The following PDE4D variants were observed in gnomAD, a reference collection of about 807,000 sequenced individuals.
The protein encoded by PDE4D is 3',5'-cyclic-AMP phosphodiesterase 4D.
Under a neutral mutation model 87.4 loss-of-function variants are expected in PDE4D, and 24 were observed. The ratio of observed to expected loss-of-function variants is 0.27; its 90% confidence interval spans 0.20 to 0.39. The LOEUF (loss-of-function observed/expected upper bound fraction) is 0.39. Among genes scored for constraint, PDE4D ranks in the 10% least tolerant of loss-of-function variants. The pLI is 1.00. For missense variants in PDE4D, 714 were observed against 1,041.0 expected (o/e 0.69, Z 4.32); for synonymous variants, 384 against 383.2 (o/e 1.00, Z -0.02).
chr5:59,133,923 A>C (rs1203301517), intron 5 of PDE4D, among the ~76,000 whole-genome samples: 1 of 152,024 alleles, frequency 6.6e-6, no homozygotes, highest in Non-Finnish European at 1.5e-5. Context: ...TTTCTTCTCC[A>C]TGTGGAATGT....
At chr5:59,400,631 C>A (rs1440594824) in intron 1 of PDE4D, among the ~76,000 whole-genome samples, 2 of 150,314 alleles carry the variant, frequency 1.3e-5, no homozygotes, top group East Asian at 2.0e-4. Context: ...ATACTTAATG[C>A]TAGATGACGA....
intron 1 of PDE4D, among the ~76,000 whole-genome samples, chr5:59,414,175 G>A (rs974716986): frequency 5.9e-5 from 9 of 152,180 alleles, no homozygotes; most frequent in African/African-American, 1.4e-4. Context: ...CAGTGCACAC[G>A]TTATTCTTAA....
intron 1 of PDE4D, among the ~76,000 whole-genome samples, chr5:59,574,112 A>T (rs1289900831): frequency 5.9e-4 from 2 of 3,370 alleles, no homozygotes; most frequent in African/African-American, 1.2e-3. Flanking sequence ...ATTTATATAT[A>T]TATATAAATA....
At chr5:60,101,948 G>A (rs1368855903) in intron 2 of PDE4D, among the ~76,000 whole-genome samples, 1 of 152,046 alleles carries the variant, frequency 6.6e-6, no homozygotes. Flanking sequence ...TTCTGTCTGG[G>A]TCTTGGCAAA....
At chr5:59,225,314 G>A (rs1753523672) in intron 1 of PDE4D, among the ~76,000 whole-genome samples, 2 of 152,130 alleles carry the variant, frequency 1.3e-5, no homozygotes. Flanking sequence ...AGTTGACTGT[G>A]TATGTGTGAG....
At chr5:60,474,983 T>A (rs1337140519) in intron 1 of PDE4D, among the ~76,000 whole-genome samples, 1 of 152,220 alleles carries the variant, frequency 6.6e-6, no homozygotes, top group Non-Finnish European at 1.5e-5. Context: ...TTATTTTCAA[T>A]ACTTTACCTT....
chr5:59,409,147 C>CA (rs34575207), intron 1 of PDE4D, among the ~76,000 whole-genome samples: 10,638 of 116,360 alleles, frequency 0.091, 408 homozygotes, highest in Middle Eastern at 0.12. Flanking sequence ...GACTCCATTT[C>CA]AAAAAAAAAA....
chr5:60,311,018 C>A (rs1242237200), intron 1 of PDE4D, among the ~76,000 whole-genome samples: 1 of 139,696 alleles, frequency 7.2e-6, no homozygotes, highest in Non-Finnish European at 1.6e-5. Flanking sequence ...TAAAATAAGT[C>A]TTTTTTTTTT....
intron 1 of PDE4D, among the ~76,000 whole-genome samples, chr5:59,296,012 A>G (rs1273259544): frequency 1.3e-5 from 2 of 152,098 alleles, no homozygotes; most frequent in African/African-American, 4.8e-5. Flanking sequence ...TCTCAATTGT[A>G]CAGAGAAATG....
At chr5:59,049,918 G>T (rs1356791462) in intron 5 of PDE4D, among the ~76,000 whole-genome samples, 2 of 151,996 alleles carry the variant, frequency 1.3e-5, no homozygotes, top group Non-Finnish European at 2.9e-5. Flanking sequence ...GATACCTAAG[G>T]GTTAAGAAGT....
At chr5:60,107,873 C>A (rs1777184766) in intron 2 of PDE4D, among the ~76,000 whole-genome samples, 1 of 152,078 alleles carries the variant, frequency 6.6e-6, no homozygotes, top group African/African-American at 2.4e-5. Flanking sequence ...ATAAGAAGAC[C>A]TATGTATGAC....
chr5:60,016,338 C>CAAG (rs1765521477), intron 2 of PDE4D, among the ~76,000 whole-genome samples: 2 of 152,122 alleles, frequency 1.3e-5, no homozygotes, highest in African/African-American at 4.8e-5. Context: ...AACTTGTACT[C>CAAG]TTTTTGCTGA....
intron 1 of PDE4D, among the ~76,000 whole-genome samples, chr5:60,337,386 T>TAG (rs1370710315): frequency 1.1e-5 from 1 of 92,128 alleles, no homozygotes; most frequent in Non-Finnish European, 2.3e-5. Flanking sequence ...TATATATATA[T>TAG]ATACACACAC....
intron 2 of PDE4D, among the ~76,000 whole-genome samples, chr5:60,070,679 T>G (rs1338037574): frequency 1.3e-5 from 2 of 152,064 alleles, no homozygotes; most frequent in Non-Finnish European, 2.9e-5. Context: ...TTTGTCTGAC[T>G]TTAGTATCAG....
intron 2 of PDE4D, among the ~76,000 whole-genome samples, chr5:60,095,572 G>A (rs1463351696): frequency 1.3e-5 from 2 of 152,120 alleles, no homozygotes; most frequent in Admixed American, 6.5e-5. Context: ...ACCCAGTAAT[G>A]AGATTGCTGG....
chr5:59,744,052 C>T (rs1440613319), intron 1 of PDE4D, among the ~76,000 whole-genome samples: 2 of 152,036 alleles, frequency 1.3e-5, no homozygotes, highest in Non-Finnish European at 2.9e-5. Flanking sequence ...GCTTGTTAAC[C>T]AATAGTTCCT....
intron 1 of PDE4D, among the ~76,000 whole-genome samples, chr5:60,423,224 A>G (rs181491456): frequency 4.8e-4 from 73 of 152,364 alleles, no homozygotes; most frequent in Admixed American, 1.3e-3. Flanking sequence ...TCTCCACCCC[A>G]AATCTACAGA....
intron 2 of PDE4D, among the ~76,000 whole-genome samples, chr5:60,164,762 CTTAA>C (rs1782744079): frequency 6.6e-6 from 1 of 152,088 alleles, no homozygotes; most frequent in Admixed American, 6.5e-5. Flanking sequence ...TGTTTTGTTT[CTTAA>C]TTGACATTCT....
intron 1 of PDE4D, among the ~76,000 whole-genome samples, chr5:59,266,063 GCTCT>G (rs1189582994): frequency 3.3e-5 from 5 of 151,916 alleles, no homozygotes; most frequent in Non-Finnish European, 7.4e-5. Context: ...CTAATTTTTA[GCTCT>G]CTTTTTCAGC....
Sources: allele counts gnomAD v4.1 joint callset (sites outside exome capture counted in the v4.1 genomes callset), GRCh38; gene constraint gnomAD v4.1.1; transcripts MANE v1.5; gene names NCBI Gene and HGNC (gene_info 2026-07-23, HGNC 2026-07-21).